Variants in DGKB observed in about 807,000 individuals in gnomAD.
DGKB encodes the protein diacylglycerol kinase beta, also known as 90 kDa diacylglycerol kinase.
Under a neutral mutation model 114.3 loss-of-function variants are expected in DGKB, and 67 were observed. The observed-to-expected ratio is 0.59, with a 90% confidence interval of 0.48 to 0.72. The LOEUF (loss-of-function observed/expected upper bound fraction) is 0.72, where lower values mean the gene tolerates loss of function less well. Among genes scored for constraint, DGKB ranks in the 30% least tolerant of loss-of-function variants. DGKB has a pLI of 0.00. For synonymous variants in DGKB, 398 were observed against 323.1 expected, an observed-to-expected ratio of 1.23 and a Z score of -2.49; for missense variants, 907 against 975.2, an observed-to-expected ratio of 0.93 and a Z score of 0.93.
At chr7:14,571,978 T>G (rs1003913111) in intron 20 of DGKB, among the ~76,000 whole-genome samples, 2 of 152,036 alleles carry the variant, frequency 1.3e-5, no homozygotes, top group African/African-American at 2.4e-5. Flanking sequence ...TAAACAATTT[T>G]CAGTATTCAA....
chr7:14,466,798 CAG>C (rs958176391), intron 21 of DGKB, among the ~76,000 whole-genome samples: 1 of 152,072 alleles, frequency 6.6e-6, no homozygotes, highest in African/African-American at 2.4e-5. Context: ...AGCCTGGCGA[CAG>C]AGCAAGACTC....
chr7:14,604,956 T>C (rs1732535393), intron 17 of DGKB, among the ~76,000 whole-genome samples: 1 of 152,138 alleles, frequency 6.6e-6, no homozygotes, highest in Non-Finnish European at 1.5e-5. Context: ...TTGATCAAGA[T>C]GAAGCTAAAA....
intron 2 of DGKB, among the ~76,000 whole-genome samples, chr7:14,765,164 C>A (rs936485642): frequency 1.2e-4 from 18 of 152,052 alleles, no homozygotes; most frequent in Admixed American, 7.2e-4. Flanking sequence ...TCTAATGATA[C>A]TGCTACAGTG....
At chr7:14,532,599 A>C (rs1416751160) in intron 20 of DGKB, among the ~76,000 whole-genome samples, 1 of 151,508 alleles carries the variant, frequency 6.6e-6, no homozygotes, top group Non-Finnish European at 1.5e-5. Context: ...AATAATAATA[A>C]ATGTATATAC....
chr7:14,577,413 C>T (rs534833262), intron 19 of DGKB, among the ~76,000 whole-genome samples: 2 of 152,120 alleles, frequency 1.3e-5, no homozygotes, highest in Non-Finnish European at 2.9e-5. Context: ...GTCAGGAGAT[C>T]AAGACCATTC....
At chr7:14,609,160 G>C (rs1351153897) in intron 16 of DGKB, among the ~76,000 whole-genome samples, 1 of 151,822 alleles carries the variant, frequency 6.6e-6, no homozygotes, top group African/African-American at 2.4e-5. Context: ...TAAGGCTACA[G>C]TAACAAAAAC....
chr7:14,332,249 C>T (rs540367710), intron 23 of DGKB, among the ~76,000 whole-genome samples: 1 of 152,112 alleles, frequency 6.6e-6, no homozygotes, highest in Admixed American at 6.5e-5. Flanking sequence ...ATTCTTTGTG[C>T]CCATTTTAGA....
intron 21 of DGKB, among the ~76,000 whole-genome samples, chr7:14,374,566 G>T: frequency 6.6e-6 from 1 of 152,114 alleles, no homozygotes; most frequent in East Asian, 1.9e-4. Flanking sequence ...AGCCTTCAGA[G>T]ACTTCATTTG....
intron 23 of DGKB, among the ~76,000 whole-genome samples, chr7:14,322,008 T>C (rs1807913362): frequency 1.3e-5 from 2 of 152,156 alleles, no homozygotes; most frequent in African/African-American, 4.8e-5. Flanking sequence ...ATTTATTTAT[T>C]TTAGAGGGGA....
intron 1 of DGKB, among the ~76,000 whole-genome samples, chr7:14,961,658 A>G (rs952529337): frequency 7.9e-5 from 12 of 152,096 alleles, no homozygotes; most frequent in Non-Finnish European, 2.9e-5. Flanking sequence ...TATGACACAA[A>G]TGTCGGGCCA....
At chr7:14,264,972 T>A (rs1297778580) in intron 23 of DGKB, among the ~76,000 whole-genome samples, 1 of 152,202 alleles carries the variant, frequency 6.6e-6, no homozygotes, top group Non-Finnish European at 1.5e-5. Context: ...GTAACATAAA[T>A]AAAAAATATA....
At chr7:14,509,587 TCTC>T (rs1321340048) in intron 20 of DGKB, among the ~76,000 whole-genome samples, 1 of 152,160 alleles carries the variant, frequency 6.6e-6, no homozygotes, top group East Asian at 1.9e-4. Flanking sequence ...ACTCACGAGT[TCTC>T]CTTCACATAT....
chr7:14,275,973 T>C (rs969134473), intron 23 of DGKB, among the ~76,000 whole-genome samples: 1 of 152,238 alleles, frequency 6.6e-6, no homozygotes, highest in Non-Finnish European at 1.5e-5. Flanking sequence ...GACAGATTTC[T>C]GAAATCCTCT....
chr7:14,935,423 G>T (rs1254327879), intron 1 of DGKB, among the ~76,000 whole-genome samples: 1 of 151,680 alleles, frequency 6.6e-6, no homozygotes, highest in Non-Finnish European at 1.5e-5. Flanking sequence ...GACAATTTTT[G>T]ACAAAAAAAG....
At chr7:14,382,071 A>G (rs1819563710) in intron 21 of DGKB, among the ~76,000 whole-genome samples, 1 of 148,938 alleles carries the variant, frequency 6.7e-6, no homozygotes, top group Admixed American at 6.9e-5. Context: ...ACACAAATCA[A>G]TTAAGTCTAA....
intron 7 of DGKB, among the ~76,000 whole-genome samples, chr7:14,699,400 A>G (rs1428455101): frequency 6.6e-6 from 1 of 152,098 alleles, no homozygotes; most frequent in African/African-American, 2.4e-5. Context: ...ACTGTTACGT[A>G]GGCATGTGAT....
intron 1 of DGKB, among the ~76,000 whole-genome samples, chr7:14,965,046 T>C (rs756370191): frequency 3.9e-5 from 6 of 152,114 alleles, no homozygotes; most frequent in Non-Finnish European, 7.4e-5. Context: ...TTCTTCATGA[T>C]TGGTTTTATG....
At chr7:14,791,537 TA>T (rs35646663) in intron 2 of DGKB, among the ~76,000 whole-genome samples, 69,652 of 152,006 alleles carry the variant, frequency 0.46, 19,746 homozygotes, top group African/African-American at 0.8. Context: ...ATGTAGATGT[TA>T]AGCTGTGGGT....
intron 5 of DGKB, among the ~76,000 whole-genome samples, chr7:14,720,866 AG>A (rs1449849223): frequency 1.3e-5 from 2 of 151,568 alleles, no homozygotes; most frequent in Non-Finnish European, 2.9e-5. Context: ...AAAAAAAAAA[AG>A]ACCGGAATAA....
Sources: gnomAD v4.1 joint callset for allele counts (sites outside exome capture counted in the v4.1 genomes callset) on GRCh38, gnomAD v4.1.1 for gene constraint, MANE v1.5 for transcripts, NCBI Gene and HGNC (gene_info 2026-07-23, HGNC 2026-07-21) for gene names.